WDFY2: variants seen among roughly 807,000 people sequenced by gnomAD.
WDFY2 encodes WD repeat and FYVE domain-containing protein 2.
In WDFY2, 36 loss-of-function variants were observed where a neutral mutation model predicts 56.4. The ratio of observed to expected loss-of-function variants is 0.64; its 90% CI spans 0.49 to 0.84. The LOEUF (loss-of-function observed/expected upper bound fraction) is 0.84, where lower values mean the gene tolerates loss of function less well. Among genes scored for constraint, WDFY2 ranks in the 40% least tolerant of loss-of-function variants. The pLI is 0.00. For synonymous variants in WDFY2, 176 were observed against 183.7 expected (o/e 0.96, Z 0.34); for missense variants, 444 against 512.2 (o/e 0.87, Z 1.29).
intron 3 of WDFY2, among the ~76,000 whole-genome samples, chr13:51,685,698 A>C (rs796211336): frequency 6.6e-6 from 1 of 152,276 alleles, no homozygotes; most frequent in African/African-American, 2.4e-5. Flanking sequence ...GAGGTGGAAG[A>C]AAATCCATGT....
At chr13:51,723,142 C>G (rs1056816256) in intron 5 of WDFY2, among the ~76,000 whole-genome samples, 12 of 152,290 alleles carry the variant, frequency 7.9e-5, no homozygotes, top group African/African-American at 2.4e-4. Context: ...ACTGTTGATT[C>G]TTCTATCCCT....
intron 4 of WDFY2, among the ~76,000 whole-genome samples, chr13:51,713,779 G>A (rs1379380489): frequency 6.6e-6 from 1 of 151,180 alleles, no homozygotes; most frequent in East Asian, 1.9e-4. Flanking sequence ...CCCAGGAGGT[G>A]GAGGTTGCAG....
chr13:51,596,761 G>T (rs1284954332), intron 1 of WDFY2, among the ~76,000 whole-genome samples: 3 of 152,194 alleles, frequency 2.0e-5, no homozygotes, highest in Non-Finnish European at 4.4e-5. Flanking sequence ...TCCATGAGAA[G>T]GGACAAGGAT....
At chr13:51,719,018 G>A (rs1039539388) in intron 4 of WDFY2, among the ~76,000 whole-genome samples, 180 bp from the exon 5 acceptor site, 1 of 152,168 alleles carries the variant, frequency 6.6e-6, no homozygotes, top group Non-Finnish European at 1.5e-5. Flanking sequence ...AGACACGCCT[G>A]TTTAAAGGGG....
intron 1 of WDFY2, among the ~76,000 whole-genome samples, chr13:51,632,449 G>T (rs941627743): frequency 5.9e-5 from 9 of 151,598 alleles, no homozygotes; most frequent in African/African-American, 2.2e-4. Context: ...TACCATTCAG[G>T]TGCTATATTT....
intron 4 of WDFY2, among the ~76,000 whole-genome samples, chr13:51,717,506 C>T (rs1344724925): frequency 6.6e-6 from 1 of 152,030 alleles, no homozygotes; most frequent in Non-Finnish European, 1.5e-5. Context: ...GGGCTACTGT[C>T]ATCCCCTTGG....
At chr13:51,750,388 G>A (rs755751907) in intron 7 of WDFY2, among the ~76,000 whole-genome samples, 7 of 152,028 alleles carry the variant, frequency 4.6e-5, no homozygotes, top group Non-Finnish European at 7.4e-5. Flanking sequence ...GACACACACA[G>A]CTTAATAGCT....
chr13:51,619,851 T>G (rs1954692338), intron 1 of WDFY2, among the ~76,000 whole-genome samples: 1 of 152,218 alleles, frequency 6.6e-6, no homozygotes, highest in South Asian at 2.1e-4. Context: ...GCTGGGCGTT[T>G]GCCTTATTTG....
intron 7 of WDFY2, 115 bp downstream of exon 7, chr13:51,739,290 G>A (rs1952912017): frequency 7.9e-6 from 10 of 1,265,930 alleles, no homozygotes; most frequent in Middle Eastern, 2.6e-4. Flanking sequence ...GGAACATGGC[G>A]GGAACACAAA....
chr13:51,690,958 A>AT (rs1674463459), intron 3 of WDFY2, among the ~76,000 whole-genome samples: 1 of 151,978 alleles, frequency 6.6e-6, no homozygotes, highest in African/African-American at 2.4e-5. Flanking sequence ...GATGGTGAGC[A>AT]TTTTTTCATG....
At chr13:51,661,128 T>C (rs766880505) in intron 2 of WDFY2, among the ~76,000 whole-genome samples, 1 of 152,220 alleles carries the variant, frequency 6.6e-6, no homozygotes, top group Non-Finnish European at 1.5e-5. Context: ...TAATTAGATG[T>C]TGATTTCATT....
chr13:51,691,006 G>A (rs1475948398), intron 3 of WDFY2, among the ~76,000 whole-genome samples: 2 of 152,206 alleles, frequency 1.3e-5, no homozygotes, highest in Non-Finnish European at 2.9e-5. Flanking sequence ...TTTGAGAAGT[G>A]TCTGTTCATG....
chr13:51,665,699 C>T (rs972639139), intron 2 of WDFY2, among the ~76,000 whole-genome samples: 10 of 152,090 alleles, frequency 6.6e-5, no homozygotes, highest in South Asian at 4.2e-4. Flanking sequence ...GAGAATAGAT[C>T]GATCAACTTG....
intron 5 of WDFY2, among the ~76,000 whole-genome samples, chr13:51,725,353 T>C (rs980230364): frequency 2.0e-5 from 3 of 152,190 alleles, no homozygotes; most frequent in Non-Finnish European, 2.9e-5. Context: ...TTGTCATAGT[T>C]CCCATTTGGA....
chr13:51,590,163 A>G (rs1450312649), intron 1 of WDFY2: 2 of 152,174 alleles, frequency 1.3e-5, no homozygotes, highest in African/African-American at 4.8e-5. Context: ...TCATCCACAT[A>G]TTGCAATGCT....
chr13:51,688,415 A>T (rs1429697328), intron 3 of WDFY2, among the ~76,000 whole-genome samples: 1 of 152,056 alleles, frequency 6.6e-6, no homozygotes, highest in East Asian at 1.9e-4. Context: ...TGTCATTTTG[A>T]GGGGGCTCTT....
chr13:51,645,122 G>A (rs1030521959), intron 1 of WDFY2, among the ~76,000 whole-genome samples: 7 of 151,780 alleles, frequency 4.6e-5, no homozygotes, highest in East Asian at 1.9e-4. Flanking sequence ...CATTTTCTGC[G>A]TTTGAAGCTT....
Position 51,755,387 on chromosome 13 carries a change from C to T in WDFY2, c.861C>T (p.Cys287=), listed in dbSNP as rs1188440417. Residue 287 remains cysteine, a synonymous_variant, in exon 9 of 12, where the codon TGC becomes TGT. Transcript: ENST00000298125. ...ETPEWLDSDS[C]QKCDQPFFWN... ...CTGAATGGTTGGACAGTGATTCCTG[C>T]CAAAAGTGTGATCAGCCTTTCTTCT... is the stretch of plus-strand genomic sequence containing the variant. The T allele has an allele frequency of 1.2e-6, 2 of 1,614,144 alleles. No individual in the cohort carries two copies. Among genetic ancestry groups the T allele is most frequent in the Non-Finnish European group, 1.7e-6 (2 of 1,180,022 alleles).
Position 51,612,238 on chromosome 13 carries a change from G to A in WDFY2, c.137+27414G>A, listed in dbSNP as rs142579916. On this transcript the variant is annotated intron_variant, in intron 1 of 11. Coordinates refer to ENST00000298125, the MANE Select transcript of WDFY2 (RefSeq NM_052950.4). ...TCTAGTCTATGGCCTGCTCCACTGTGTAGCTTCTCTATAAAGCAGCCCTGC... is the reference window on the plus strand; with the variant it reads ...TCTAGTCTATGGCCTGCTCCACTGTATAGCTTCTCTATAAAGCAGCCCTGC... Among the ~76,000 whole-genome samples, 3 of 152,248 alleles carry A rather than the reference G, an allele frequency of 2.0e-5. 1 individual carries two copies. Among genetic ancestry groups the A allele is most frequent in the African/African-American group, 7.2e-5 (3 of 41,542 alleles).
Sources: allele counts gnomAD v4.1 joint callset (sites outside exome capture counted in the v4.1 genomes callset), GRCh38; gene constraint gnomAD v4.1.1; transcripts MANE v1.5; gene names NCBI Gene and HGNC (gene_info 2026-07-23, HGNC 2026-07-21).